OXR1: variants seen among roughly 807,000 people sequenced by gnomAD.
OXR1 encodes the protein oxidation resistance 1, also known as oxidation resistance protein 1.
Under a neutral mutation model 104.6 loss-of-function variants are expected in OXR1, and 41 were observed. The ratio of observed to expected loss-of-function variants is 0.39; its 90% CI spans 0.31 to 0.51. The LOEUF (loss-of-function observed/expected upper bound fraction) is 0.51, where lower values mean the gene tolerates loss of function less well. Ranked by LOEUF, OXR1 falls within the 20% of genes least tolerant of loss-of-function variation. OXR1 has a pLI of 0.77. For missense variants in OXR1, 955 were observed against 1,031.9 expected (o/e 0.93, Z 1.02); for synonymous variants, 348 against 348.4 (o/e 1.00, Z 0.01).
intron 2 of OXR1, among the ~76,000 whole-genome samples, chr8:106,496,358 C>T (rs1368055789): frequency 1.3e-5 from 2 of 152,088 alleles, no homozygotes; most frequent in Non-Finnish European, 2.9e-5. Context: ...AAGCACTAAG[C>T]TAAATTATAC....
chr8:106,333,553 C>G (rs1387504052), intron 1 of OXR1, among the ~76,000 whole-genome samples: 1 of 152,036 alleles, frequency 6.6e-6, no homozygotes, highest in East Asian at 1.9e-4. Flanking sequence ...AAATATTTCT[C>G]TAATCCAATG....
chr8:106,428,663 G>C (rs1819234511), intron 2 of OXR1, among the ~76,000 whole-genome samples: 1 of 150,480 alleles, frequency 6.6e-6, no homozygotes, highest in Non-Finnish European at 1.5e-5. Flanking sequence ...CACTAGACTT[G>C]GGCTTGAAGA....
intron 1 of OXR1, among the ~76,000 whole-genome samples, chr8:106,326,521 T>G (rs181686011): frequency 6.6e-6 from 1 of 152,388 alleles, no homozygotes; most frequent in Admixed American, 6.5e-5. Flanking sequence ...TTTCTGCTTC[T>G]GATTAGAAAA....
In OXR1 at chr8:106,751,640, C is replaced by T. The variant is rs1457985196; in HGVS notation, c.*699C>T. ...TAAATTATCTGATAAAGTTACAAGTCACAAAGGAGAATGAGAACTTAATGA... is the reference window on the plus strand; with the variant it reads ...TAAATTATCTGATAAAGTTACAAGTTACAAAGGAGAATGAGAACTTAATGA... On this transcript the variant is annotated 3_prime_UTR_variant, in exon 17 of 17. Transcript: ENST00000517566. 6.6e-6 allele frequency: 1 copy of T among 152,460 alleles called. No homozygotes were observed. The highest frequency in any genetic ancestry group is 1.5e-5 in the Non-Finnish European group (1 of 67,948). The allele number at this position is 152,460 out of a possible 1,614,324, so 9.4% of individuals were successfully genotyped here. A position where few individuals can be genotyped will look rare whatever the true frequency, so the allele number is the denominator to read the frequency against.
chr8:106,709,186 C>G (rs971158845), intron 9 of OXR1, among the ~76,000 whole-genome samples: 2 of 149,586 alleles, frequency 1.3e-5, no homozygotes, highest in African/African-American at 4.8e-5. Flanking sequence ...TTCAATATAT[C>G]TGTCTTTCTT....
At chr8:106,560,474 C>T (rs1229250409) in intron 3 of OXR1, among the ~76,000 whole-genome samples, 1 of 152,158 alleles carries the variant, frequency 6.6e-6, no homozygotes, top group Non-Finnish European at 1.5e-5. Flanking sequence ...AAGCAGACAT[C>T]CAGATGTAGT....
chr8:106,745,386 T>C (rs1157472025), intron 15 of OXR1, among the ~76,000 whole-genome samples: 1 of 152,222 alleles, frequency 6.6e-6, no homozygotes, highest in Non-Finnish European at 1.5e-5. Context: ...CTTGGCCCTA[T>C]GTTAAAATAT....
At chr8:106,295,653 AC>A (rs1812964294) in intron 1 of OXR1, among the ~76,000 whole-genome samples, 1 of 152,276 alleles carries the variant, frequency 6.6e-6, no homozygotes, top group Admixed American at 6.5e-5. Context: ...TTACAAGCTG[AC>A]CAGTTACCAT....
chr8:106,517,557 T>C (rs1410137467), intron 2 of OXR1, among the ~76,000 whole-genome samples: 1 of 145,068 alleles, frequency 6.9e-6, no homozygotes, highest in Non-Finnish European at 1.5e-5. Flanking sequence ...CAAAGTAATG[T>C]TACCAGTGTG....
At chr8:106,679,370 TAAGAC>T (rs1220709677) in intron 4 of OXR1, 78 bp downstream of exon 4, 4 of 629,820 alleles carry the variant, frequency 6.4e-6, no homozygotes, top group African/African-American at 3.8e-5. Context: ...ATACTATAAA[TAAGAC>T]AAGCATTGTT....
intron 6 of OXR1, 103 bp from the exon 7 acceptor site, chr8:106,692,625 C>A: frequency 1.6e-6 from 1 of 607,524 alleles, no homozygotes; most frequent in Non-Finnish European, 2.6e-6. Context: ...TGAAATGAAA[C>A]AACACTTATT....
Position 106,707,197 on chromosome 8 carries a change from C to A in OXR1, c.1624+52C>A, listed in dbSNP as rs375793940. 1.9e-6 allele frequency: 3 copies of A among 1,545,498 alleles called. 1 individual carries two copies. Among genetic ancestry groups the A allele is most frequent in the South Asian group, 2.2e-5 (2 of 89,166 alleles). ...AGTTCATCCAATTGTATGGTGTCTC[C>A]GTCTTTCCTCACTGACTCAAAAGCC... On this transcript the variant is annotated intron_variant, in intron 9 of 16. Transcript: ENST00000517566.
chr8:106,488,106 A>G (rs1810814724), intron 2 of OXR1, among the ~76,000 whole-genome samples: 1 of 146,348 alleles, frequency 6.8e-6, no homozygotes, highest in Non-Finnish European at 1.5e-5. Context: ...CTTTTTAATG[A>G]TTGCCATTCT....
intron 2 of OXR1, among the ~76,000 whole-genome samples, chr8:106,363,169 C>T (rs1232760913): frequency 6.6e-6 from 1 of 152,166 alleles, no homozygotes; most frequent in Admixed American, 6.5e-5. Context: ...TATAACATGC[C>T]ATGTCCTGTG....
intron 3 of OXR1, among the ~76,000 whole-genome samples, chr8:106,672,549 A>G (rs929340593): frequency 2.0e-5 from 3 of 147,974 alleles, no homozygotes; most frequent in Non-Finnish European, 4.5e-5. Flanking sequence ...AAAAGAAAAG[A>G]AAGAGAGAAA....
At chr8:106,631,467 G>GT in intron 3 of OXR1, among the ~76,000 whole-genome samples, 3 of 152,178 alleles carry the variant, frequency 2.0e-5, no homozygotes, top group Admixed American at 2.0e-4. Flanking sequence ...CCCTTCAACT[G>GT]TTTAAGCAAC....
At chr8:106,484,233 G>A (rs963739368) in intron 2 of OXR1, among the ~76,000 whole-genome samples, 6 of 151,514 alleles carry the variant, frequency 4.0e-5, no homozygotes, top group Non-Finnish European at 8.8e-5. Context: ...TCAAGTATAA[G>A]GAAAAAATAG....
intron 11 of OXR1, among the ~76,000 whole-genome samples, chr8:106,731,041 T>G (rs1039349055): frequency 6.6e-6 from 1 of 152,212 alleles, no homozygotes; most frequent in African/African-American, 2.4e-5. Context: ...TGTTGTCAGC[T>G]CTTTGGATTT....
chr8:106,497,876 A>G (rs774348312), intron 2 of OXR1, among the ~76,000 whole-genome samples: 1 of 152,046 alleles, frequency 6.6e-6, no homozygotes, highest in African/African-American at 2.4e-5. Context: ...TCACCTTCTC[A>G]CTATGAAATA....
Sources: gnomAD v4.1 joint callset for allele counts (sites outside exome capture counted in the v4.1 genomes callset) on GRCh38, gnomAD v4.1.1 for gene constraint, MANE v1.5 for transcripts, NCBI Gene and HGNC (gene_info 2026-07-23, HGNC 2026-07-21) for gene names.